ECI2: variants seen among roughly 807,000 people sequenced by gnomAD.
ECI2 encodes D3,D2-enoyl-CoA isomerase.
ECI2 carries 27 observed loss-of-function variants against 38.4 expected under a neutral mutation model. The ratio of observed to expected loss-of-function variants is 0.70; its 90% CI spans 0.52 to 0.97. The LOEUF (loss-of-function observed/expected upper bound fraction) is 0.97. Among genes scored for constraint, ECI2 ranks in the 50% least tolerant of loss-of-function variants. The probability of loss-of-function intolerance (pLI) is 0.00; values close to 1 mark genes in which losing one functional copy is unlikely to be tolerated. For synonymous variants in ECI2, 168 were observed against 172.0 expected (o/e 0.98, Z 0.18); for missense variants, 470 against 474.4 (o/e 0.99, Z 0.09).
chr6:4,120,116 C>A (rs943247601), intron 7 of ECI2, among the ~76,000 whole-genome samples: 1 of 152,206 alleles, frequency 6.6e-6, no homozygotes, highest in Non-Finnish European at 1.5e-5. Flanking sequence ...TACCATTTGA[C>A]ACTGCCACTA....
intron 2 of ECI2, 72 bp downstream of exon 2, chr6:4,133,477 A>G: frequency 6.6e-7 from 1 of 1,523,346 alleles, no homozygotes; most frequent in East Asian, 2.3e-5. Flanking sequence ...ATTTTAGTAA[A>G]CACACAGTGT....
rs367695337 is a variant in ECI2 at position 4,125,268 on chromosome 6, G to A, written c.777C>T (p.Ala259=). ...GACTTACCCTGTCAGATGCATACAC[G>A]GCATCGAATAGCCCAAGGAGGGTGA... is the stretch of plus-strand genomic sequence containing the variant. The part of the protein sequence containing the change: ...ISVTLLGLFD[A]VYASDRATFH... Residue 259 remains alanine, a synonymous_variant, in exon 7 of 10, where the codon GCC becomes GCT. Coordinates refer to ENST00000380118, the MANE Select transcript of ECI2 (RefSeq NM_206836.3). 327 of 1,613,946 alleles carry A rather than the reference G, an allele frequency of 2.0e-4. No individual in the cohort carries two copies. Among genetic ancestry groups the A allele is most frequent in the Non-Finnish European group, 2.6e-4 (312 of 1,180,030 alleles).
At chr6:4,127,983 C>A in intron 4 of ECI2, 152 bp from the exon 5 acceptor site, 1 of 636,850 alleles carries the variant, frequency 1.6e-6, no homozygotes, top group Non-Finnish European at 2.5e-6. Context: ...GGTGGACCAA[C>A]ATAACTGAAG....
chr6:4,122,110 T>G (rs1581972584), intron 7 of ECI2: 1 of 1,043,832 alleles, frequency 9.6e-7, no homozygotes, highest in East Asian at 2.5e-5. Context: ...GAGCAGCAGG[T>G]GGAGTTAAGG....
chr6:4,133,187 C>T (rs910732129), intron 2 of ECI2, among the ~76,000 whole-genome samples: 2 of 152,268 alleles, frequency 1.3e-5, no homozygotes, highest in East Asian at 1.9e-4. Context: ...ACACCATTAA[C>T]GATGATTTCT....
intron 7 of ECI2, among the ~76,000 whole-genome samples, chr6:4,123,681 T>C (rs1035548618): frequency 6.6e-6 from 1 of 152,094 alleles, no homozygotes; most frequent in Non-Finnish European, 1.5e-5. Flanking sequence ...AAAAGGTTGA[T>C]GCAGGCCAGG....
At chr6:4,131,746 G>C (rs10085196) in intron 2 of ECI2, among the ~76,000 whole-genome samples, 1 of 151,742 alleles carries the variant, frequency 6.6e-6, no homozygotes, top group Non-Finnish European at 1.5e-5. Context: ...AATTCCAGCT[G>C]CTTGGGAGGC....
chr6:4,131,966 T>C lies in ECI2; in HGVS notation c.214-1101A>G, dbSNP rs562126422. Among the ~76,000 whole-genome samples, 14 of 152,232 alleles carry C rather than the reference T, an allele frequency of 9.2e-5. No individual in the cohort carries two copies. In the South Asian group the frequency reaches 2.7e-3, roughly 29 times the overall value. ...GTCATCTGGCAAGAGTTGGCCAACC[T>C]AGAAGTTAGAGGGAACACAGTCCAC... On this transcript the variant is annotated intron_variant, in intron 2 of 9. Coordinates refer to ENST00000380118, the MANE Select transcript of ECI2 (RefSeq NM_206836.3).
intron 1 of ECI2, 160 bp downstream of exon 1, chr6:4,135,351 C>T (rs1313098447): frequency 6.7e-7 from 1 of 1,485,590 alleles, no homozygotes; most frequent in South Asian, 1.3e-5. Context: ...CGCGTGAGGT[C>T]GTCACTTTTT....
At chr6:4,123,009 A>G (rs1772906123) in intron 7 of ECI2, among the ~76,000 whole-genome samples, 3 of 152,242 alleles carry the variant, frequency 2.0e-5, no homozygotes, top group African/African-American at 7.2e-5. Context: ...CATTGCCCAC[A>G]GTATAAAATA....
At chr6:4,122,186 G>T in intron 7 of ECI2, 1 of 403,332 alleles carries the variant, frequency 2.5e-6, no homozygotes, top group Non-Finnish European at 4.6e-6. Context: ...CTGTACCACA[G>T]TTTTCTCATT....
intron 7 of ECI2, among the ~76,000 whole-genome samples, chr6:4,122,361 T>C (rs1772856729): frequency 6.6e-6 from 1 of 151,988 alleles, no homozygotes; most frequent in South Asian, 2.1e-4. Context: ...GTTGGGATTA[T>C]AGGCGTGCAC....
At position 4,134,853 on chromosome 6, in the gene ECI2, T is replaced by A. The variant is rs566031030; in HGVS notation, c.50+658A>T. Among the ~76,000 whole-genome samples the A allele has an allele frequency of 4.1e-4, 63 of 152,302 alleles. 2 individuals carry two copies. The South Asian group carries it at 0.012, about 30-fold the overall frequency. On this transcript the variant is annotated intron_variant, in intron 1 of 9. Transcript: ENST00000380118. ...TTTATTTTTAAATAAAGCGTGAGTT[T>A]TAAAAACAAATAGCAAAAACACGAC... is the stretch of plus-strand genomic sequence containing the variant.
At chr6:4,131,311 C>G (rs757916696) in intron 2 of ECI2, among the ~76,000 whole-genome samples, 3 of 151,886 alleles carry the variant, frequency 2.0e-5, no homozygotes. Context: ...ACTTTTGGTA[C>G]CTGGGTAACA....
At chr6:4,128,720 AAT>A (rs1452211128) in intron 4 of ECI2, among the ~76,000 whole-genome samples, 1 of 152,222 alleles carries the variant, frequency 6.6e-6, no homozygotes, top group African/African-American at 2.4e-5. Context: ...ACAACAATTT[AAT>A]ATAGCATTTA....
chr6:4,126,137 C>T lies in ECI2; in HGVS notation c.672G>A (p.Leu224=). The change falls in exon 6 of 10, where the codon CTG becomes CTA. Residue 224 remains leucine (L), a splice_region_variant and synonymous_variant. Coordinates refer to ENST00000380118, the MANE Select transcript of ECI2 (RefSeq NM_206836.3). ...AGACAAAGGTCAGTAACTCTTACCT[C>T]AGTAAAACGGCATTATTTTTAGCTT... is the stretch of plus-strand genomic sequence containing the variant. ...EEKAKNNAVL[L]REFVGCFIDF... 6.2e-7 allele frequency: 1 copy of T among 1,613,032 alleles called. No individual in the cohort carries two copies. The highest frequency in any genetic ancestry group is 8.5e-7 in the Non-Finnish European group (1 of 1,179,322).
intron 7 of ECI2, among the ~76,000 whole-genome samples, chr6:4,120,862 GA>G (rs978358560): frequency 6.6e-6 from 1 of 151,888 alleles, no homozygotes; most frequent in African/African-American, 2.4e-5. Flanking sequence ...CAATGAAACT[GA>G]AAAAAAATTT....
intron 8 of ECI2, 73 bp from the exon 9 acceptor site, chr6:4,117,524 G>T (rs1772362065): frequency 6.4e-7 from 1 of 1,550,904 alleles, no homozygotes; most frequent in Non-Finnish European, 8.7e-7. Flanking sequence ...CTGCTTTCAG[G>T]AGGCTTAGAG....
chr6:4,125,423 A>T, intron 6 of ECI2, 53 bp from the exon 7 acceptor site: 1 of 1,607,568 alleles, frequency 6.2e-7, no homozygotes, highest in South Asian at 1.1e-5. Context: ...GCATGACTAA[A>T]GCATGGGCAA....
Sources: allele counts gnomAD v4.1 joint callset (sites outside exome capture counted in the v4.1 genomes callset), GRCh38; gene constraint gnomAD v4.1.1; transcripts MANE v1.5; gene names NCBI Gene and HGNC (gene_info 2026-07-23, HGNC 2026-07-21).